ZGLP1: variants seen among roughly 807,000 people sequenced by gnomAD.
The protein encoded by ZGLP1 is zinc finger GATA like protein 1, also known as GATA-type zinc finger protein 1.
ZGLP1 carries 11 observed loss-of-function variants against 21.4 expected under a neutral mutation model. The observed-to-expected ratio is 0.51, with a 90% CI of 0.32 to 0.85. The LOEUF (loss-of-function observed/expected upper bound fraction) is 0.85. Among genes scored for constraint, ZGLP1 ranks in the 40% least tolerant of loss-of-function variants. ZGLP1 has a pLI of 0.03. For missense variants in ZGLP1, 295 were observed against 355.6 expected, an observed-to-expected ratio of 0.83 and a Z score of 1.37; for synonymous variants, 148 against 145.0, an observed-to-expected ratio of 1.02 and a Z score of -0.15.
chr19:10,305,100 C>T lies in ZGLP1; in HGVS notation c.807G>A (p.Gln269=), dbSNP rs1191594682. ...CAGGGTGAAGCTGGGTTTAACCTTC[C>T]TGAATGGGGTCCAGGGACACTCCAC... The change falls in exon 4 of 4, where the codon CAG becomes CAA. Residue 269 remains glutamine, a synonymous_variant. Coordinates refer to ENST00000403903, the Ensembl canonical transcript of ZGLP1. This position sits in a 1 kb window ranked among gnomAD's most constrained non-coding sequence, Gnocchi z 4.7. The T allele has an allele frequency of 1.9e-6, 3 of 1,613,544 alleles. No individual in the cohort carries two copies. The highest frequency in any genetic ancestry group is 2.7e-5 in the African/African-American group (2 of 75,034).
Position 10,305,311 on chromosome 19 carries a change from C to A in ZGLP1, c.698+79G>T. ...CAAGAGGTAGGTGTTTTGCTTTTTG[C>A]TTTCCCCACAGGCCATCCTGGTTAC... On this transcript the variant is annotated intron_variant, in intron 3 of 3. Coordinates refer to ENST00000403903, the Ensembl canonical transcript of ZGLP1. This position sits in a 1 kb window ranked among gnomAD's most constrained non-coding sequence, Gnocchi z 4.7. 1 of 1,550,436 alleles carries A rather than the reference C, an allele frequency of 6.4e-7. No homozygotes were observed. The highest frequency in any genetic ancestry group is 1.2e-5 in the South Asian group (1 of 86,710).
chr19:10,309,024 A>C (rs2040297033), exon 1 of ZGLP1: 1 of 207,376 alleles, frequency 4.8e-6, no homozygotes, highest in East Asian at 1.0e-4. Context: ...TGGGACTTAC[A>C]GGCACGCGCC....
At chr19:10,306,258 G>A (rs982447158) in intron 1 of ZGLP1, among the ~76,000 whole-genome samples, 4 of 151,682 alleles carry the variant, frequency 2.6e-5, no homozygotes, top group Non-Finnish European at 2.9e-5. Flanking sequence ...GACTACAGGC[G>A]CGCGACACCA....
rs199597072 is a variant in ZGLP1, at chr19:10,305,878, G to A, written c.572C>T (p.Thr191Ile). Residue 191 changes from threonine to isoleucine, a missense_variant, in exon 2 of 4, where the codon ACC (threonine) becomes ATC (isoleucine). Transcript: ENST00000403903. The surrounding 1 kb of genome is among the most constrained non-coding windows in gnomAD (Gnocchi z 4.7). ...CTCGCTGCCTGCTGAGTGGGCCTCGGTGCCTCCTGGGTGGGCTGCAGGGCC... is the reference window on the plus strand; with the variant it reads ...CTCGCTGCCTGCTGAGTGGGCCTCGATGCCTCCTGGGTGGGCTGCAGGGCC... The A allele has an allele frequency of 1.3e-6, 2 of 1,561,180 alleles. No individual in the cohort carries two copies. The highest frequency in any genetic ancestry group is 1.7e-6 in the Non-Finnish European group (2 of 1,151,442).
exon 1 of ZGLP1, chr19:10,308,884 CT>C: frequency 2.3e-6 from 1 of 427,710 alleles, no homozygotes; most frequent in Non-Finnish European, 4.0e-6. Context: ...TACTTTTTTT[CT>C]TTGTGTTTCT....
rs1599287510 is a variant in ZGLP1 at position 10,305,717 on chromosome 19, T to G, written c.604+129A>C. The G allele has an allele frequency of 1.0e-5, 8 of 769,822 alleles. No individual in the cohort carries two copies. The highest frequency in any genetic ancestry group is 5.8e-5 in the African/African-American group (3 of 51,994). The allele number at this position is 769,822 out of a possible 1,614,324, so 47.7% of individuals were successfully genotyped here. A position where few individuals can be genotyped will look rare whatever the true frequency, so the allele number is the denominator to read the frequency against. On this transcript the variant is annotated intron_variant, in intron 2 of 3. Transcript: ENST00000403903. The surrounding 1 kb of genome is among the most constrained non-coding windows in gnomAD (Gnocchi z 4.7). ...GTGACTCAGCCCAAGTGGAGGGGGG[T>G]GCTGCGACTCCTCCCTGAGGGCTCT...
chr19:10,308,533 C>G (rs775829899), exon 1 of ZGLP1: 2 of 1,606,476 alleles, frequency 1.2e-6, no homozygotes, highest in Admixed American at 3.4e-5. Flanking sequence ...CGACTCCTGG[C>G]ATGCAGGCCA....
intron 1 of ZGLP1, among the ~76,000 whole-genome samples, chr19:10,307,528 T>G (rs937393454): frequency 1.5e-4 from 23 of 150,874 alleles, no homozygotes; most frequent in Non-Finnish European, 1.5e-5. Context: ...TTTTTTTTTT[T>G]TTTTGAGACT....
chr19:10,305,980 G>T lies in ZGLP1; in HGVS notation c.498-28C>A. 1 of 1,466,594 alleles carries T rather than the reference G, an allele frequency of 6.8e-7. No individual in the cohort carries two copies. Among genetic ancestry groups the T allele is most frequent in the East Asian group, 2.5e-5 (1 of 40,336 alleles). 90.8% of individuals were successfully genotyped at this position (1,466,594 alleles called of 1,614,324 possible). ...GTGGGGCAGACAAGGTATTAGCACT[G>T]GGGGGGATCTGTAGCTTGTCCCCAA... On this transcript the variant is annotated intron_variant, in intron 1 of 3. Coordinates refer to ENST00000403903, the Ensembl canonical transcript of ZGLP1. The surrounding 1 kb of genome is among the most constrained non-coding windows in gnomAD (Gnocchi z 4.7).
chr19:10,309,815 G>A (rs1438270162), exon 1 of ZGLP1: 2 of 152,146 alleles, frequency 1.3e-5, no homozygotes, highest in African/African-American at 2.4e-5. Flanking sequence ...CGGCATCTTA[G>A]ATCCCAGAGG....
At chr19:10,306,969 A>T (rs554136967) in intron 1 of ZGLP1, among the ~76,000 whole-genome samples, 8 of 152,046 alleles carry the variant, frequency 5.3e-5, no homozygotes, top group Non-Finnish European at 1.0e-4. Context: ...CCCCATCTCT[A>T]CTAAAAATAC....
chr19:10,306,101 A>T (rs1568304750), intron 1 of ZGLP1, 149 bp from the exon 3 acceptor site: 2 of 360,126 alleles, frequency 5.6e-6, no homozygotes, highest in African/African-American at 2.1e-5. Context: ...CTCATTAGTA[A>T]TATTATTATT....
chr19:10,305,989 C>T lies in ZGLP1; in HGVS notation c.498-37G>A. On this transcript the variant is annotated intron_variant, in intron 1 of 3. Transcript: ENST00000403903. The surrounding 1 kb of genome is among the most constrained non-coding windows in gnomAD (Gnocchi z 4.7). ...ACAAGGTATTAGCACTGGGGGGGAT[C>T]TGTAGCTTGTCCCCAACAGCCCTCC... The T allele has an allele frequency of 6.9e-7, 1 of 1,447,418 alleles. No homozygotes were observed. 89.7% of individuals were successfully genotyped at this position (1,447,418 alleles called of 1,614,324 possible). A position where few individuals can be genotyped will look rare whatever the true frequency, so the allele number is the denominator to read the frequency against.
At chr19:10,304,836 T>C in exon 4 of ZGLP1, 1 of 541,744 alleles carries the variant, frequency 1.8e-6, no homozygotes, top group East Asian at 3.1e-5. Flanking sequence ...TTGTCCCTGC[T>C]GTAACAATGC....
At chr19:10,307,117 G>C (rs550052840) in intron 1 of ZGLP1, among the ~76,000 whole-genome samples, 121 of 149,802 alleles carry the variant, frequency 8.1e-4, no homozygotes, top group Non-Finnish European at 1.2e-3. Context: ...CTGAACGACA[G>C]AGTGCAACTC....
At chr19:10,308,621 C>A (rs745912698) in exon 1 of ZGLP1, 2 of 1,533,342 alleles carry the variant, frequency 1.3e-6, no homozygotes, top group Non-Finnish European at 1.8e-6. Flanking sequence ...GGGGTTCCAA[C>A]TTGGGCCGGC....
chr19:10,305,121 T>C lies in ZGLP1; in HGVS notation c.786A>G (p.Gly262=), dbSNP rs752331061. The C allele has an allele frequency of 1.9e-6, 3 of 1,613,930 alleles. No individual in the cohort carries two copies. In the South Asian group the frequency reaches 3.3e-5, roughly 18 times the overall value. The change falls in exon 4 of 4, where the codon GGA becomes GGG. Residue 262 remains glycine (G), a synonymous_variant. Coordinates refer to ENST00000403903, the Ensembl canonical transcript of ZGLP1. The surrounding 1 kb of genome is among the most constrained non-coding windows in gnomAD (Gnocchi z 4.7). ...CTTCCTGAATGGGGTCCAGGGACACTCCACATCTGCCACATAGCCTCTTGG... is the reference window on the plus strand; with the variant it reads ...CTTCCTGAATGGGGTCCAGGGACACCCCACATCTGCCACATAGCCTCTTGG...
At position 10,305,952 on chromosome 19, in the gene ZGLP1, G is replaced by A; in HGVS notation, c.498C>T (p.Ser166=). The A allele has an allele frequency of 1.9e-6, 3 of 1,555,058 alleles. No homozygotes were observed. Among genetic ancestry groups the A allele is most frequent in the East Asian group, 4.8e-5 (2 of 41,808 alleles). ...CCTGAGAACGGCTACTGCAGGGCAG[G>A]CTGTGGGGCAGACAAGGTATTAGCA... The change falls in exon 2 of 4, where the codon AGC becomes AGT. Residue 166 remains serine (S), a splice_region_variant and synonymous_variant. Coordinates refer to ENST00000403903, the Ensembl canonical transcript of ZGLP1. This position sits in a 1 kb window ranked among gnomAD's most constrained non-coding sequence, Gnocchi z 4.7.
rs750603178 is a variant in ZGLP1 at position 10,308,181 on chromosome 19, C to A, written c.497+4G>T. 1 of 1,525,330 alleles carries A rather than the reference C, an allele frequency of 6.6e-7. No individual in the cohort carries two copies. Among genetic ancestry groups the A allele is most frequent in the Admixed American group, 2.2e-5 (1 of 46,264 alleles). The allele number at this position is 1,525,330 out of a possible 1,614,324, so 94.5% of individuals were successfully genotyped here. A position where few individuals can be genotyped will look rare whatever the true frequency, so the allele number is the denominator to read the frequency against. Reference sequence around the variant, plus strand: ...AGGGCGGCCTGGCCCCAGCCGGCCCCTACCTGTACGTGGGGATGATCTGCA... The same window carrying A: ...AGGGCGGCCTGGCCCCAGCCGGCCCATACCTGTACGTGGGGATGATCTGCA... On this transcript the variant is annotated splice_donor_region_variant and intron_variant, in intron 1 of 3. Coordinates refer to ENST00000403903, the Ensembl canonical transcript of ZGLP1.
Sources: gnomAD v4.1 joint callset for allele counts (sites outside exome capture counted in the v4.1 genomes callset) on GRCh38, gnomAD v4.1.1 for gene constraint, Gnocchi (gnomAD v3.1) non-coding constraint, MANE v1.5 for transcripts, NCBI Gene and HGNC (gene_info 2026-07-23, HGNC 2026-07-21) for gene names.